PHKB: variants seen among roughly 807,000 people sequenced by gnomAD.
PHKB encodes phosphorylase kinase regulatory subunit beta, also known as phosphorylase b kinase regulatory subunit beta.
In PHKB, 122 loss-of-function variants were observed where a neutral mutation model predicts 152.1. That is an observed-to-expected ratio of 0.80 (90% CI 0.69 to 0.93). PHKB has a LOEUF of 0.93. Among genes scored for constraint, PHKB ranks in the 40% least tolerant of loss-of-function variants. The pLI is 0.00. For missense variants in PHKB, 1,304 were observed against 1,328.4 expected, an observed-to-expected ratio of 0.98 and a Z score of 0.29; for synonymous variants, 436 against 464.9, an observed-to-expected ratio of 0.94 and a Z score of 0.80.
intron 7 of PHKB, among the ~76,000 whole-genome samples, chr16:47,555,336 AAACAGTGTTAATG>A (rs1340178634): frequency 1.3e-5 from 2 of 152,212 alleles, no homozygotes; most frequent in African/African-American, 4.8e-5. Context: ...CAGGGATTTA[AAACAGTGTTAATG>A]AACAGAAGAT....
intron 1 of PHKB, among the ~76,000 whole-genome samples, chr16:47,493,714 C>T (rs1970187702): frequency 6.6e-6 from 1 of 152,154 alleles, no homozygotes; most frequent in Non-Finnish European, 1.5e-5. Context: ...TTTGGTCACT[C>T]AAGAACATTT....
intron 1 of PHKB, 140 bp from the exon 2 acceptor site, chr16:47,497,259 T>A (rs574326876): frequency 3.1e-6 from 2 of 650,934 alleles, no homozygotes; most frequent in African/African-American, 3.6e-5. Context: ...AGCAAGAAGG[T>A]TTACAAGTAG....
intron 13 of PHKB, among the ~76,000 whole-genome samples, chr16:47,598,285 T>C (rs1972158462): frequency 6.6e-6 from 1 of 152,192 alleles, no homozygotes; most frequent in African/African-American, 2.4e-5. Context: ...GTTAAGGACC[T>C]TTTCTTCTTC....
chr16:47,494,898 A>G (rs191938991), intron 1 of PHKB, among the ~76,000 whole-genome samples: 2 of 152,308 alleles, frequency 1.3e-5, no homozygotes, highest in East Asian at 1.9e-4. Flanking sequence ...ATTGTTTACC[A>G]TAAATTGTGT....
chr16:47,594,684 C>A (rs1351226963), intron 12 of PHKB, among the ~76,000 whole-genome samples: 1 of 152,112 alleles, frequency 6.6e-6, no homozygotes, highest in Non-Finnish European at 1.5e-5. Flanking sequence ...AAACATCGTC[C>A]TTTGAGGATG....
intron 14 of PHKB, among the ~76,000 whole-genome samples, chr16:47,631,494 T>A (rs1972826059): frequency 6.6e-6 from 1 of 152,204 alleles, no homozygotes; most frequent in Non-Finnish European, 1.5e-5. Flanking sequence ...CTTTTTTTAT[T>A]GTACTTTAAG....
intron 1 of PHKB, among the ~76,000 whole-genome samples, chr16:47,473,131 C>G (rs1277021027): frequency 2.7e-5 from 4 of 147,866 alleles, no homozygotes; most frequent in Non-Finnish European, 4.5e-5. Context: ...TACAGTGGCA[C>G]TGTCACAGTT....
chr16:47,499,918 G>C lies in PHKB; in HGVS notation c.305+24G>C, dbSNP rs766000321. The C allele has an allele frequency of 3.1e-6, 5 of 1,613,768 alleles. No homozygotes were observed. The East Asian group carries it at 8.9e-5, about 29-fold the overall frequency. On this transcript the variant is annotated intron_variant, in intron 3 of 30. Coordinates refer to ENST00000323584, the MANE Select transcript of PHKB (RefSeq NM_000293.3). The stretch of plus-strand genomic sequence containing the variant: ...AGGTGAGCTGGTGTGTGTTCTCCTC[G>C]TAACTTTGAGAGTGGATAATAGGGT...
At chr16:47,531,900 C>T (rs1474459647) in intron 6 of PHKB, among the ~76,000 whole-genome samples, 3 of 152,104 alleles carry the variant, frequency 2.0e-5, no homozygotes, top group Non-Finnish European at 4.4e-5. Flanking sequence ...AAAATGCATA[C>T]ACACATAAAA....
intron 6 of PHKB, among the ~76,000 whole-genome samples, chr16:47,536,498 GA>G (rs1253476128): frequency 6.6e-6 from 1 of 152,100 alleles, no homozygotes; most frequent in African/African-American, 2.4e-5. Context: ...TTTCTTATGT[GA>G]AAAAACATTT....
intron 28 of PHKB, among the ~76,000 whole-genome samples, chr16:47,695,431 G>A (rs879820104): frequency 1.3e-4 from 20 of 152,096 alleles, no homozygotes; most frequent in Admixed American, 6.6e-5. Context: ...TTAATAATAT[G>A]TTGGATTATA....
chr16:47,685,192 C>T (rs748547912), intron 26 of PHKB, among the ~76,000 whole-genome samples: 6 of 152,008 alleles, frequency 3.9e-5, no homozygotes, highest in Admixed American at 2.6e-4. Flanking sequence ...TTTGGGAGGC[C>T]GAGGTGGGCG....
At chr16:47,663,834 A>T (rs1228035230) in intron 24 of PHKB, 100 bp downstream of exon 24, 29 of 798,576 alleles carry the variant, frequency 3.6e-5, no homozygotes, top group Non-Finnish European at 5.7e-5. Flanking sequence ...ATTCATCCTA[A>T]TTTTTACTTT....
intron 7 of PHKB, among the ~76,000 whole-genome samples, chr16:47,577,246 A>G (rs1252459964): frequency 2.6e-5 from 4 of 152,046 alleles, no homozygotes; most frequent in African/African-American, 7.2e-5. Context: ...TCATCATTTT[A>G]TTAGTTCAAA....
intron 13 of PHKB, among the ~76,000 whole-genome samples, chr16:47,603,608 A>G (rs1279491408): frequency 1.3e-5 from 2 of 151,644 alleles, no homozygotes; most frequent in Non-Finnish European, 2.9e-5. Flanking sequence ...GGTTCAAGCA[A>G]TCCTCCTGCC....
At chr16:47,586,765 ATTCCCATCCAG>A (rs1971941828) in intron 8 of PHKB, among the ~76,000 whole-genome samples, 1 of 152,182 alleles carries the variant, frequency 6.6e-6, no homozygotes, top group East Asian at 1.9e-4. Context: ...TATTCTCCTT[ATTCCCATCCAG>A]TTCTATGTGA....
intron 7 of PHKB, among the ~76,000 whole-genome samples, chr16:47,564,533 T>C (rs1178331313): frequency 6.6e-6 from 1 of 152,138 alleles, no homozygotes; most frequent in East Asian, 1.9e-4. Context: ...TTTCCTTTCT[T>C]GCTGATTTGC....
intron 14 of PHKB, among the ~76,000 whole-genome samples, chr16:47,611,790 C>T (rs1480540260): frequency 6.6e-6 from 1 of 152,138 alleles, no homozygotes; most frequent in Non-Finnish European, 1.5e-5. Flanking sequence ...TTCAACAAAA[C>T]ATGTAATGAC....
intron 6 of PHKB, among the ~76,000 whole-genome samples, chr16:47,544,833 T>C (rs917310577): frequency 4.9e-4 from 75 of 152,248 alleles, no homozygotes; most frequent in African/African-American, 1.5e-3. Flanking sequence ...AACTGATCCC[T>C]TTACCATTAT....
Sources: allele counts gnomAD v4.1 joint callset (sites outside exome capture counted in the v4.1 genomes callset), GRCh38; gene constraint gnomAD v4.1.1; transcripts MANE v1.5; gene names NCBI Gene and HGNC (gene_info 2026-07-23, HGNC 2026-07-21).